Variants in PCSK5 observed in about 807,000 individuals in gnomAD.
PCSK5 encodes prohormone convertase 5.
A neutral mutation model predicts 233.2 loss-of-function variants in PCSK5; 129 were observed. The ratio of observed to expected loss-of-function variants is 0.55; its 90% CI spans 0.48 to 0.64. The LOEUF (loss-of-function observed/expected upper bound fraction) is 0.64, where lower values mean the gene tolerates loss of function less well. Among genes scored for constraint, PCSK5 ranks in the 30% least tolerant of loss-of-function variants. The probability of loss-of-function intolerance (pLI) is 0.00; values close to 1 mark genes in which losing one functional copy is unlikely to be tolerated. For synonymous variants in PCSK5, 825 were observed against 879.2 expected, an observed-to-expected ratio of 0.94 and a Z score of 1.09; for missense variants, 2,076 against 2,430.1, an observed-to-expected ratio of 0.85 and a Z score of 3.06.
intron 20 of PCSK5, among the ~76,000 whole-genome samples, chr9:76,198,601 T>C (rs530283219): frequency 2.6e-5 from 4 of 152,280 alleles, no homozygotes; most frequent in African/African-American, 9.6e-5. Context: ...ATCACATATG[T>C]TGCAAGGCAA....
intron 9 of PCSK5, among the ~76,000 whole-genome samples, chr9:76,127,257 CA>C (rs1822547548): frequency 6.6e-6 from 1 of 152,160 alleles, no homozygotes; most frequent in South Asian, 2.1e-4. Context: ...AGAAAAGTAT[CA>C]AAAGCACTTC....
intron 2 of PCSK5, among the ~76,000 whole-genome samples, chr9:75,952,878 G>A (rs1378993168): frequency 6.6e-6 from 1 of 152,138 alleles, no homozygotes; most frequent in African/African-American, 2.4e-5. Flanking sequence ...GAAGAACAGT[G>A]GGGATTTGCA....
At chr9:76,138,770 C>A (rs1823082167) in intron 10 of PCSK5, among the ~76,000 whole-genome samples, 1 of 151,910 alleles carries the variant, frequency 6.6e-6, no homozygotes, top group Non-Finnish European at 1.5e-5. Flanking sequence ...TAAATTAGGA[C>A]CTTCTGTCAT....
intron 3 of PCSK5, among the ~76,000 whole-genome samples, chr9:76,020,095 T>C (rs1309978650): frequency 6.6e-6 from 1 of 152,248 alleles, no homozygotes; most frequent in Non-Finnish European, 1.5e-5. Context: ...GGTAACACAA[T>C]TCTAGACACT....
chr9:76,233,531 C>A lies in PCSK5; in HGVS notation c.2801C>A (p.Pro934Gln). ...TTTGAATTTGAGAACCAATGCCATC[C>A]ATGCCACCACACCTGCCAGAGATGC... ...WKFEFENQCH[P>Q]CHHTCQRCQG... Residue 934 changes from proline to glutamine, a missense_variant, in exon 22 of 38, where the codon CCA (proline) becomes CAA (glutamine). This residue lies in a region of PCSK5 where 1,510 missense variants were observed against 1,538.1 expected (regional missense o/e 0.98). Transcript: ENST00000674117. 6.2e-7 allele frequency: 1 copy of A among 1,612,534 alleles called. No homozygotes were observed. The highest frequency in any genetic ancestry group is 8.5e-7 in the Non-Finnish European group (1 of 1,179,774).
chr9:76,327,820 A>G (rs539819533), intron 32 of PCSK5, among the ~76,000 whole-genome samples, 189 bp from the exon 33 acceptor site: 1 of 152,202 alleles, frequency 6.6e-6, no homozygotes, highest in Non-Finnish European at 1.5e-5. Flanking sequence ...CTCATTTTGC[A>G]AAAGAATGGT....
chr9:76,022,218 C>G (rs1828223950), intron 3 of PCSK5, among the ~76,000 whole-genome samples: 1 of 152,184 alleles, frequency 6.6e-6, no homozygotes, highest in Non-Finnish European at 1.5e-5. Context: ...GGTGGTTTAT[C>G]TTCTGTGTCT....
chr9:76,351,533 G>GAAAGA lies in PCSK5; in HGVS notation c.5067+607_5067+608insAGAAA, dbSNP rs1354864321. 3.4e-3 allele frequency among the ~76,000 whole-genome samples: 54 copies of GAAAGA among 15,830 alleles called. 9 individuals carry two copies. The highest frequency in any genetic ancestry group is 8.5e-3 in the South Asian group (2 of 236). 10.4% of individuals were successfully genotyped at this position (15,830 alleles called of 152,430 possible). A position where few individuals can be genotyped will look rare whatever the true frequency, so the allele number is the denominator to read the frequency against. On this transcript the variant is annotated intron_variant, in intron 36 of 37. Coordinates refer to ENST00000674117, the MANE Select transcript of PCSK5 (RefSeq NM_001372043.1). ...GAAAGAAAGAAAGAAAGAAAGAAAG[G>GAAAGA]AAGGAAAGAAAGAGAAAGAAGAGAG...
At chr9:76,196,989 G>A (rs1008100748) in intron 20 of PCSK5, among the ~76,000 whole-genome samples, 1 of 152,166 alleles carries the variant, frequency 6.6e-6, no homozygotes, top group Admixed American at 6.5e-5. Flanking sequence ...AATTGGACTG[G>A]TCAGTTCCCT....
At chr9:76,019,008 A>G (rs1406841605) in intron 3 of PCSK5, among the ~76,000 whole-genome samples, 1 of 152,156 alleles carries the variant, frequency 6.6e-6, no homozygotes. Context: ...ACATAGTCCT[A>G]TGCTGTGGTG....
At chr9:75,950,216 TG>T (rs1057444472) in intron 2 of PCSK5, among the ~76,000 whole-genome samples, 2 of 150,968 alleles carry the variant, frequency 1.3e-5, no homozygotes, top group Non-Finnish European at 3.0e-5. Flanking sequence ...TTTATTTATT[TG>T]TTTTTTTTTT....
intron 24 of PCSK5, among the ~76,000 whole-genome samples, chr9:76,263,265 A>G (rs1423221981): frequency 3.3e-5 from 5 of 152,248 alleles, no homozygotes; most frequent in Non-Finnish European, 7.3e-5. Flanking sequence ...TGACTCAGCC[A>G]TCGCATTACT....
intron 2 of PCSK5, among the ~76,000 whole-genome samples, chr9:75,945,128 A>C (rs1223871571): frequency 6.6e-6 from 1 of 151,250 alleles, no homozygotes; most frequent in African/African-American, 2.4e-5. Flanking sequence ...TAAATAAATA[A>C]ATAAAATAAA....
intron 25 of PCSK5, 108 bp from the exon 26 acceptor site, chr9:76,295,167 C>A: frequency 9.6e-7 from 1 of 1,039,782 alleles, no homozygotes. Flanking sequence ...CAAAACAAAA[C>A]AAAACGAAAC....
intron 14 of PCSK5, among the ~76,000 whole-genome samples, chr9:76,178,364 C>T (rs910921251): frequency 6.6e-5 from 10 of 152,118 alleles, no homozygotes; most frequent in African/African-American, 2.4e-4. Context: ...AGAAGTCATC[C>T]CTAGTACGTG....
At chr9:75,977,172 AT>A (rs1192863504) in intron 2 of PCSK5, among the ~76,000 whole-genome samples, 1 of 152,182 alleles carries the variant, frequency 6.6e-6, no homozygotes, top group Non-Finnish European at 1.5e-5. Flanking sequence ...AATAAACCAA[AT>A]TGTTCTTTAA....
intron 24 of PCSK5, among the ~76,000 whole-genome samples, chr9:76,276,848 C>T (rs1241134635): frequency 6.6e-6 from 1 of 152,206 alleles, no homozygotes; most frequent in African/African-American, 2.4e-5. Flanking sequence ...GAAAACAAAA[C>T]AGAACAACCT....
chr9:76,153,406 G>A (rs1823753624), intron 10 of PCSK5, among the ~76,000 whole-genome samples: 1 of 152,124 alleles, frequency 6.6e-6, no homozygotes, highest in Non-Finnish European at 1.5e-5. Context: ...TATTTGAACT[G>A]GTCGGGATTC....
At position 76,321,460 on chromosome 9, in the gene PCSK5, G is replaced by A. The variant is rs1829200470; in HGVS notation, c.3923G>A (p.Ser1308Asn). Reference sequence around the variant, plus strand: ...GAAGACGGCATATGTGAACGCTGTAGCTCTCCTTGCAGAACATGTGAAGGA... The same window carrying A: ...GAAGACGGCATATGTGAACGCTGTAACTCTCCTTGCAGAACATGTGAAGGA... ...YAEDGICERC[S>N]SPCRTCEGNA... Residue 1308 changes from serine (S) to asparagine (N), a missense_variant, in exon 31 of 38, where the codon AGC (serine) becomes AAC (asparagine). Around this residue, in one of 6 missense-constraint regions of PCSK5, gnomAD observed 1,510 missense variants for 1,538.1 expected, o/e 0.98. Coordinates refer to ENST00000674117, the MANE Select transcript of PCSK5 (RefSeq NM_001372043.1). 1 of 1,610,582 alleles carries A rather than the reference G, an allele frequency of 6.2e-7. No individual in the cohort carries two copies. Among genetic ancestry groups the A allele is most frequent in the East Asian group, 2.2e-5 (1 of 44,856 alleles).
Sources: gnomAD v4.1 joint callset for allele counts (sites outside exome capture counted in the v4.1 genomes callset) on GRCh38, gnomAD v4.1.1 for gene constraint, gnomAD v4.1.1 regional missense constraint, MANE v1.5 for transcripts, NCBI Gene and HGNC (gene_info 2026-07-23, HGNC 2026-07-21) for gene names.